The following CNTNAP2 variants were observed in gnomAD, a reference collection of about 807,000 sequenced individuals.
CNTNAP2 encodes contactin-associated protein-like 2.
CNTNAP2 carries 98 observed loss-of-function variants against 155.2 expected under a neutral mutation model. The observed-to-expected ratio is 0.63, with a 90% confidence interval of 0.54 to 0.75. The LOEUF (loss-of-function observed/expected upper bound fraction) is 0.75. Ranked by LOEUF, CNTNAP2 falls within the 30% of genes least tolerant of loss-of-function variation. The pLI is 0.00. For missense variants in CNTNAP2, 1,727 were observed against 1,688.1 expected, an observed-to-expected ratio of 1.02 and a Z score of -0.40; for synonymous variants, 651 against 631.2, an observed-to-expected ratio of 1.03 and a Z score of -0.47.
chr7:148,383,694 G>A lies in CNTNAP2; in HGVS notation c.3521G>A (p.Gly1174Glu). The part of the protein sequence containing the change: ...DQEIHKYNTP[G>E]FTGCLSRVQF... ...GAGATTCACAAATACAACACCCCAG[G>A]ATTCACTGGTTGCCTCTCCAGAGTC... The change falls in exon 22 of 24, where the codon GGA becomes GAA. Residue 1174 changes from glycine (G) to glutamate (E), a missense_variant. Physicochemically the swap from Gly to Glu is moderately conservative, Grantham distance 98 (BLOSUM62 -2). Coordinates refer to ENST00000361727, the MANE Select transcript of CNTNAP2 (RefSeq NM_014141.6). 2 of 1,614,150 alleles carry A rather than the reference G, an allele frequency of 1.2e-6. No homozygotes were observed. Among genetic ancestry groups the A allele is most frequent in the Non-Finnish European group, 1.7e-6 (2 of 1,180,024 alleles).
chr7:148,235,687 T>TA (rs1431939593), intron 20 of CNTNAP2, among the ~76,000 whole-genome samples: 57 of 145,292 alleles, frequency 3.9e-4, no homozygotes, highest in African/African-American at 1.4e-3. Flanking sequence ...CAGCAATTAT[T>TA]TTTTTTTTTT....
chr7:146,667,609 A>T (rs1225876846), intron 1 of CNTNAP2, among the ~76,000 whole-genome samples: 2 of 151,810 alleles, frequency 1.3e-5, no homozygotes, highest in African/African-American at 4.8e-5. Flanking sequence ...CATGAGTATG[A>T]TGTATCTTTC....
At chr7:146,722,002 T>C (rs1019126340) in intron 1 of CNTNAP2, among the ~76,000 whole-genome samples, 4 of 148,746 alleles carry the variant, frequency 2.7e-5, no homozygotes, top group Non-Finnish European at 5.9e-5. Flanking sequence ...AATTCTCCTG[T>C]CTCAGCCTCT....
At chr7:147,813,447 AG>A in intron 13 of CNTNAP2, among the ~76,000 whole-genome samples, 1 of 152,206 alleles carries the variant, frequency 6.6e-6, no homozygotes, top group Non-Finnish European at 1.5e-5. Flanking sequence ...TTGAAGCAGA[AG>A]GTAGCTAGAT....
chr7:146,735,354 C>T (rs1322528730), intron 1 of CNTNAP2, among the ~76,000 whole-genome samples: 1 of 152,140 alleles, frequency 6.6e-6, no homozygotes, highest in Non-Finnish European at 1.5e-5. Flanking sequence ...AGATCGAGAC[C>T]ATCCTGGCTA....
chr7:146,791,519 G>A (rs1802673561), intron 2 of CNTNAP2, among the ~76,000 whole-genome samples: 2 of 152,196 alleles, frequency 1.3e-5, no homozygotes, highest in African/African-American at 4.8e-5. Flanking sequence ...ATGCCAATCA[G>A]AACTCAACAT....
chr7:147,635,127 G>T (rs1279826009), intron 12 of CNTNAP2, among the ~76,000 whole-genome samples: 1 of 150,750 alleles, frequency 6.6e-6, no homozygotes, highest in Non-Finnish European at 1.5e-5. Flanking sequence ...CCCATTCACA[G>T]GGTCTATACT....
intron 20 of CNTNAP2, among the ~76,000 whole-genome samples, chr7:148,263,686 G>A (rs1484738327): frequency 6.6e-6 from 1 of 150,644 alleles, no homozygotes; most frequent in Non-Finnish European, 1.5e-5. Flanking sequence ...GCAGTGAACC[G>A]AGATGGTGCC....
intron 13 of CNTNAP2, among the ~76,000 whole-genome samples, chr7:147,717,092 G>A (rs952704462): frequency 2.0e-5 from 3 of 152,062 alleles, no homozygotes; most frequent in Non-Finnish European, 4.4e-5. Context: ...AAATCTGGGT[G>A]AAGTAGGCCT....
At chr7:147,591,650 G>A (rs1044791544) in intron 12 of CNTNAP2, among the ~76,000 whole-genome samples, 83 of 151,828 alleles carry the variant, frequency 5.5e-4, no homozygotes, top group African/African-American at 1.9e-3. Flanking sequence ...TACTCTTAAT[G>A]ATCAATTGTC....
In CNTNAP2 at chr7:147,939,804, A is replaced by T. The variant is rs185622278; in HGVS notation, c.2255+36083A>T. On this transcript the variant is annotated intron_variant, in intron 14 of 23. Coordinates refer to ENST00000361727, the MANE Select transcript of CNTNAP2 (RefSeq NM_014141.6). ...CTCTCTTTCTCTCTCTCTCTCTCTC[A>T]CACACACACCCCCCAGCAGATTTGT... Among the ~76,000 whole-genome samples the T allele has an allele frequency of 3.0e-3, 451 of 149,558 alleles. 3 individuals are homozygous for T. Among genetic ancestry groups the T allele is most frequent in the African/African-American group, 0.01 (406 of 39,266 alleles).
intron 18 of CNTNAP2, among the ~76,000 whole-genome samples, chr7:148,177,368 G>A (rs1039758324): frequency 2.0e-5 from 3 of 152,198 alleles, no homozygotes; most frequent in Admixed American, 1.3e-4. Flanking sequence ...AGAGATCGGA[G>A]TTACACTGCC....
At position 146,632,967 on chromosome 7, in the gene CNTNAP2, A is replaced by C. The variant is rs749514162; in HGVS notation, c.98-141304A>C. 3.3e-5 allele frequency among the ~76,000 whole-genome samples: 5 copies of C among 151,708 alleles called. 1 individual carries two copies. Among genetic ancestry groups the C allele is most frequent in the African/African-American group, 9.7e-5 (4 of 41,426 alleles). The stretch of plus-strand genomic sequence containing the variant: ...CAAAAAAAAAAATACAAAATATCGG[A>C]AGAATTACTGAATTGAGAGAATGAA... On this transcript the variant is annotated intron_variant, in intron 1 of 23. Transcript: ENST00000361727.
intron 15 of CNTNAP2, among the ~76,000 whole-genome samples, chr7:148,067,274 T>C (rs1381617883): frequency 2.0e-5 from 3 of 152,228 alleles, no homozygotes; most frequent in Non-Finnish European, 4.4e-5. Flanking sequence ...CTGTTCATTC[T>C]TTGGTGCCAT....
chr7:146,483,282 A>AAAATATATATAT (rs1178407767), intron 1 of CNTNAP2, among the ~76,000 whole-genome samples: 19 of 39,872 alleles, frequency 4.8e-4, no homozygotes, highest in South Asian at 8.4e-4. Context: ...TCTAAAAAAA[A>AAAATATATATAT]ATATATATAT....
At chr7:147,579,760 T>C (rs940539451) in intron 12 of CNTNAP2, among the ~76,000 whole-genome samples, 3 of 152,156 alleles carry the variant, frequency 2.0e-5, no homozygotes, top group African/African-American at 7.2e-5. Flanking sequence ...CATTGCTTCC[T>C]ACTGTGCTGT....
At chr7:147,835,783 T>G (rs1798622647) in intron 13 of CNTNAP2, among the ~76,000 whole-genome samples, 1 of 152,122 alleles carries the variant, frequency 6.6e-6, no homozygotes, top group South Asian at 2.1e-4. Context: ...ACTGGAGTCC[T>G]CATGAGAGAA....
At chr7:147,728,057 A>G (rs1043101557) in intron 13 of CNTNAP2, among the ~76,000 whole-genome samples, 1 of 151,990 alleles carries the variant, frequency 6.6e-6, no homozygotes. Flanking sequence ...TGGGCTCGCC[A>G]TCCATGTCTT....
chr7:147,329,831 C>T (rs1470514195), intron 9 of CNTNAP2, among the ~76,000 whole-genome samples: 1 of 152,090 alleles, frequency 6.6e-6, no homozygotes, highest in African/African-American at 2.4e-5. Flanking sequence ...TCACGGTGCA[C>T]TTATGACATA....
Sources: gnomAD v4.1 joint callset for allele counts (sites outside exome capture counted in the v4.1 genomes callset) on GRCh38, gnomAD v4.1.1 for gene constraint, MANE v1.5 for transcripts, NCBI Gene and HGNC (gene_info 2026-07-23, HGNC 2026-07-21) for gene names.